Variants in LRP1 observed in about 807,000 individuals in gnomAD.
LRP1 encodes the protein LDL receptor related protein 1, also known as prolow-density lipoprotein receptor-related protein 1.
A neutral mutation model predicts 541.5 loss-of-function variants in LRP1; 51 were observed. That is an observed-to-expected ratio of 0.09 (90% confidence interval 0.08 to 0.12). LRP1 has a LOEUF of 0.12. LRP1 is among the 10% of genes least tolerant of loss of function. LRP1 has a pLI of 1.00. For missense variants in LRP1, 3,878 were observed against 6,376.2 expected, an observed-to-expected ratio of 0.61 and a Z score of 13.34; for synonymous variants, 2,219 against 2,470.8, an observed-to-expected ratio of 0.90 and a Z score of 3.02.
In LRP1 at chr12:57,209,826, G is replaced by C; in HGVS notation, c.12397G>C (p.Ala4133Pro). ...LVNLTGGLSH[A>P]SDVVLYHQHK... ...CAACCTGACAGGGGGCCTGAGCCAC[G>C]CCTCTGACGTGGTCCTTTACCATCA... The change falls in exon 80 of 89, where the codon GCC becomes CCC. Residue 4133 changes from alanine to proline, a missense_variant. By Grantham distance (27) the Ala-to-Pro change is conservative. Around this residue, in one of 13 missense-constraint regions of LRP1, gnomAD observed 871 missense variants for 1,212.4 expected, o/e 0.72. Transcript: ENST00000243077. 5 of 1,614,182 alleles carry C rather than the reference G, an allele frequency of 3.1e-6. No individual in the cohort carries two copies. Among genetic ancestry groups the C allele is most frequent in the Non-Finnish European group, 4.2e-6 (5 of 1,180,028 alleles).
intron 64 of LRP1, 47 bp from the exon 65 acceptor site, chr12:57,200,987 C>T: frequency 6.2e-7 from 1 of 1,613,246 alleles, no homozygotes; most frequent in Non-Finnish European, 8.5e-7. Flanking sequence ...CTCTCCCTGC[C>T]CCTGAGTCCT....
chr12:57,186,093 C>T (rs2036265218), intron 41 of LRP1, among the ~76,000 whole-genome samples, 185 bp downstream of exon 41: 1 of 152,174 alleles, frequency 6.6e-6, no homozygotes, highest in African/African-American at 2.4e-5. Flanking sequence ...CCCCCGACTT[C>T]CTCCCGCCAC....
At chr12:57,198,422 G>A (rs1376897475) in intron 59 of LRP1, 43 bp from the exon 60 acceptor site, 1 of 1,606,852 alleles carries the variant, frequency 6.2e-7, no homozygotes, top group African/African-American at 1.3e-5. Context: ...CTGGTGCGAT[G>A]GGTTACGGGA....
chr12:57,129,618 G>T (rs1350005747), intron 1 of LRP1, among the ~76,000 whole-genome samples: 3 of 152,226 alleles, frequency 2.0e-5, no homozygotes. Context: ...TGCTGAAGTA[G>T]GCTCTTCCCC....
intron 68 of LRP1, 192 bp from the exon 69 acceptor site, chr12:57,202,989 C>T (rs978966753): frequency 3.4e-5 from 20 of 586,056 alleles, no homozygotes; most frequent in South Asian, 1.5e-4. Flanking sequence ...GGGGTAAGTG[C>T]GAGCCCGCCT....
Position 57,205,891 on chromosome 12 carries a change from G to A in LRP1, c.11590+214G>A, listed in dbSNP as rs938919324. The A allele has an allele frequency of 3.1e-6, 2 of 649,574 alleles. No individual in the cohort carries two copies. Among genetic ancestry groups the A allele is most frequent in the Admixed American group, 3.0e-5 (1 of 33,756 alleles). 40.2% of individuals were successfully genotyped at this position (649,574 alleles called of 1,614,324 possible). A position where few individuals can be genotyped will look rare whatever the true frequency, so the allele number is the denominator to read the frequency against. On this transcript the variant is annotated intron_variant, in intron 75 of 88. Coordinates refer to ENST00000243077, the MANE Select transcript of LRP1 (RefSeq NM_002332.3). The surrounding 1 kb of genome is among the most constrained non-coding windows in gnomAD (Gnocchi z 4.6). The stretch of plus-strand genomic sequence containing the variant: ...CTGAAGGAGTCTGGGGTGTGGCAGT[G>A]CTCTGAATTGCACACACACCTCCTC...
Position 57,183,245 on chromosome 12 carries a change from G to C in LRP1, c.5663-134G>C. On this transcript the variant is annotated intron_variant, in intron 34 of 88. Transcript: ENST00000243077. The surrounding 1 kb of genome is among the most constrained non-coding windows in gnomAD (Gnocchi z 6.1). ...TCTGGCCTCAGGCTAGGGTGTGTGT[G>C]CTGGGTGGAGGATAGGGATGATGGT... 9.8e-7 allele frequency: 1 copy of C among 1,023,728 alleles called. No homozygotes were observed. The highest frequency in any genetic ancestry group is 1.4e-6 in the Non-Finnish European group (1 of 697,828). The allele number at this position is 1,023,728 out of a possible 1,614,324, so 63.4% of individuals were successfully genotyped here.
intron 24 of LRP1, 37 bp downstream of exon 24, chr12:57,176,143 G>A (rs375787122): frequency 7.5e-6 from 12 of 1,609,494 alleles, no homozygotes; most frequent in Non-Finnish European, 9.3e-6. Context: ...ATGCACACAG[G>A]CGGAGCGCTC....
chr12:57,209,455 G>T (rs1263305980), intron 79 of LRP1, among the ~76,000 whole-genome samples: 1 of 152,246 alleles, frequency 6.6e-6, no homozygotes, highest in Admixed American at 6.5e-5. Flanking sequence ...CATTAGGAAC[G>T]TAGCAAATTG....
chr12:57,188,306 C>T (rs978578970), intron 42 of LRP1, among the ~76,000 whole-genome samples: 116 of 152,290 alleles, frequency 7.6e-4, no homozygotes, highest in African/African-American at 2.7e-3. Flanking sequence ...ACATTTTTTT[C>T]CCAATTCAGC....
intron 41 of LRP1, among the ~76,000 whole-genome samples, chr12:57,186,425 C>T (rs1350751055): frequency 6.6e-6 from 1 of 152,216 alleles, no homozygotes; most frequent in Non-Finnish European, 1.5e-5. Flanking sequence ...TTGAAAACTG[C>T]ATCCTGCTAC....
chr12:57,138,538 T>G lies in LRP1; in HGVS notation c.147T>G (p.Gly49=). ...TCISKGWRCD[G]ERDCPDGSDE... is the part of the protein sequence containing the mutation. Reference sequence around the variant, plus strand: ...TCTCAAAGGGCTGGCGGTGCGACGGTGAGAGGGACTGCCCAGACGGATCTG... The same window carrying G: ...TCTCAAAGGGCTGGCGGTGCGACGGGGAGAGGGACTGCCCAGACGGATCTG... Residue 49 remains glycine (G), a synonymous_variant, in exon 2 of 89, where the codon GGT becomes GGG. Transcript: ENST00000243077. The G allele has an allele frequency of 6.2e-7, 1 of 1,614,016 alleles. No individual in the cohort carries two copies. Among genetic ancestry groups the G allele is most frequent in the Non-Finnish European group, 8.5e-7 (1 of 1,179,966 alleles).
In LRP1 at chr12:57,156,308, C is replaced by T; in HGVS notation, c.1417+25C>T. 6.2e-7 allele frequency: 1 copy of T among 1,610,782 alleles called. No individual in the cohort carries two copies. The highest frequency in any genetic ancestry group is 2.2e-5 in the East Asian group (1 of 44,834). ...GGTGAGCAGGGCTCCATGGCCCCTC[C>T]AAAGCTGGCTTTACCCCATGATGGC... On this transcript the variant is annotated intron_variant, in intron 9 of 88. Transcript: ENST00000243077. This position sits in a 1 kb window ranked among gnomAD's most constrained non-coding sequence, Gnocchi z 5.2.
Position 57,210,196 on chromosome 12 carries a change from C to G in LRP1, c.12580+27C>G, listed in dbSNP as rs1034296225. The G allele has an allele frequency of 6.4e-6, 10 of 1,571,918 alleles. No individual in the cohort carries two copies. In the African/African-American group the frequency reaches 1.3e-4, roughly 21 times the overall value. The stretch of plus-strand genomic sequence containing the variant: ...TATGCTTATGCCCTCCCAGTCCCAG[C>G]CATGCCTCAGGACCATCTCCTTCCT... On this transcript the variant is annotated intron_variant, in intron 81 of 88. Coordinates refer to ENST00000243077, the MANE Select transcript of LRP1 (RefSeq NM_002332.3).
rs908834695 is a variant in LRP1 at position 57,154,850 on chromosome 12, T to C, written c.1227+149T>C. ...GCCTCTAGTGGGAGTGGGGTGGGCT[T>C]GAATACTGCAGAGAAAGGACAAGAT... On this transcript the variant is annotated intron_variant, in intron 8 of 88. Coordinates refer to ENST00000243077, the MANE Select transcript of LRP1 (RefSeq NM_002332.3). The surrounding 1 kb of genome is among the most constrained non-coding windows in gnomAD (Gnocchi z 4.6). The C allele has an allele frequency of 3.1e-5, 22 of 710,874 alleles. No individual in the cohort carries two copies. Among genetic ancestry groups the C allele is most frequent in the Non-Finnish European group, 2.5e-6 (1 of 403,036 alleles). 44.0% of individuals were successfully genotyped at this position (710,874 alleles called of 1,614,324 possible).
chr12:57,147,823 C>T (rs898669572), intron 6 of LRP1, among the ~76,000 whole-genome samples: 5 of 152,186 alleles, frequency 3.3e-5, no homozygotes, highest in African/African-American at 4.8e-5. Flanking sequence ...TGAGAGCCCC[C>T]GAGGGCCCCC....
chr12:57,138,514 C>G lies in LRP1; in HGVS notation c.123C>G (p.Ile41Met). The G allele has an allele frequency of 6.2e-7, 1 of 1,614,094 alleles. No homozygotes were observed. The highest frequency in any genetic ancestry group is 1.7e-4 in the Middle Eastern group (1 of 6,060). Residue 41 changes from isoleucine to methionine, a missense_variant, in exon 2 of 89, where the codon ATC (isoleucine) becomes ATG (methionine). By Grantham distance (10) the Ile-to-Met change is conservative. Coordinates refer to ENST00000243077, the MANE Select transcript of LRP1 (RefSeq NM_002332.3). ...QFACRDQITC[I>M]SKGWRCDGER... ...CCTGCAGAGATCAAATAACCTGTAT[C>G]TCAAAGGGCTGGCGGTGCGACGGTG...
At position 57,156,919 on chromosome 12, in the gene LRP1, G is replaced by A. The variant is rs951942375; in HGVS notation, c.1560G>A (p.Lys520=). The A allele has an allele frequency of 2.5e-6, 4 of 1,572,610 alleles. No individual in the cohort carries two copies. The African/African-American group carries it at 4.0e-5, about 16-fold the overall frequency. The change falls in exon 10 of 89, where the codon AAG becomes AAA. Residue 520 remains lysine (K), a splice_region_variant and synonymous_variant. Coordinates refer to ENST00000243077, the MANE Select transcript of LRP1 (RefSeq NM_002332.3). The surrounding 1 kb of genome is among the most constrained non-coding windows in gnomAD (Gnocchi z 5.2). The part of the protein sequence containing the change: ...FSLGSDGKSC[K]KPEHELFLVY... ...TGGGCAGTGACGGGAAGTCATGCAA[G>A]AGTGAGTGACAGGGAAGGGGGTGTG...
chr12:57,212,340 C>T lies in LRP1; in HGVS notation c.13495-75C>T, dbSNP rs557581890. 26 of 1,541,116 alleles carry T rather than the reference C, an allele frequency of 1.7e-5. No individual in the cohort carries two copies. Among genetic ancestry groups the T allele is most frequent in the South Asian group, 7.8e-5 (7 of 89,478 alleles). ...CAAAGGTGTTGGGTTAGGTGAGGGA[C>T]GGAGGTGGGGGTGGGGTAACCTGGG... On this transcript the variant is annotated intron_variant, in intron 88 of 88. Coordinates refer to ENST00000243077, the MANE Select transcript of LRP1 (RefSeq NM_002332.3). This position sits in a 1 kb window ranked among gnomAD's most constrained non-coding sequence, Gnocchi z 5.0.
Sources: allele counts gnomAD v4.1 joint callset (sites outside exome capture counted in the v4.1 genomes callset), GRCh38; gene constraint gnomAD v4.1.1; regional missense constraint gnomAD v4.1.1; non-coding constraint Gnocchi (gnomAD v3.1); transcripts MANE v1.5; gene names NCBI Gene and HGNC (gene_info 2026-07-23, HGNC 2026-07-21).